Variants in PITPNC1 observed in about 807,000 individuals in gnomAD.
The protein encoded by PITPNC1 is cytoplasmic phosphatidylinositol transfer protein 1.
PITPNC1 carries 18 observed loss-of-function variants against 44.7 expected under a neutral mutation model. The ratio of observed to expected loss-of-function variants is 0.40; its 90% CI spans 0.28 to 0.60. The LOEUF is 0.60. PITPNC1 is among the 20% of genes least tolerant of loss of function. PITPNC1 has a pLI of 0.39. For missense variants in PITPNC1, 290 were observed against 418.4 expected (o/e 0.69, Z 2.68); for synonymous variants, 141 against 149.6 (o/e 0.94, Z 0.42).
chr17:67,670,113 A>AT (rs2042488532), intron 7 of PITPNC1, among the ~76,000 whole-genome samples: 1 of 152,092 alleles, frequency 6.6e-6, no homozygotes, highest in Non-Finnish European at 1.5e-5. Flanking sequence ...AAAAATAAAA[A>AT]ATACTTTTTG....
chr17:67,527,674 C>T (rs899117807), intron 1 of PITPNC1, among the ~76,000 whole-genome samples: 1 of 151,686 alleles, frequency 6.6e-6, no homozygotes, highest in African/African-American at 2.4e-5. Context: ...GCACTCCAGC[C>T]TGGGAGACAG....
At chr17:67,426,725 TAAAATA>T (rs914112213) in intron 1 of PITPNC1, among the ~76,000 whole-genome samples, 1 of 48,254 alleles carries the variant, frequency 2.1e-5, no homozygotes, top group Non-Finnish European at 4.5e-5. Context: ...TCCCAGAACT[TAAAATA>T]AAAATAAAAA....
intron 1 of PITPNC1, among the ~76,000 whole-genome samples, chr17:67,466,904 CCTT>C (rs1274081945): frequency 1.3e-5 from 2 of 152,106 alleles, no homozygotes; most frequent in African/African-American, 4.8e-5. Context: ...CAATCTAGCT[CCTT>C]AAGAGAAGAC....
chr17:67,403,498 C>T (rs188783662), intron 1 of PITPNC1, among the ~76,000 whole-genome samples: 3 of 152,146 alleles, frequency 2.0e-5, no homozygotes. Flanking sequence ...TATATGTGTC[C>T]GTGTGGACAT....
At chr17:67,496,418 C>T (rs191885923) in intron 1 of PITPNC1, among the ~76,000 whole-genome samples, 197 of 152,280 alleles carry the variant, frequency 1.3e-3, no homozygotes, top group African/African-American at 3.9e-3. Context: ...GAGGCCCATG[C>T]GTGGCTCCCT....
At chr17:67,431,993 T>C (rs1028923870) in intron 1 of PITPNC1, among the ~76,000 whole-genome samples, 1 of 152,226 alleles carries the variant, frequency 6.6e-6, no homozygotes, top group African/African-American at 2.4e-5. Context: ...GGATAACTTC[T>C]GCAGGAAAAC....
intron 6 of PITPNC1, chr17:67,632,522 C>A: frequency 1.2e-5 from 4 of 327,660 alleles, no homozygotes; most frequent in Non-Finnish European, 2.2e-5. Context: ...GACCATCCAA[C>A]ACACTGGCCT....
chr17:67,514,884 A>T (rs1344643758), intron 1 of PITPNC1, among the ~76,000 whole-genome samples: 1 of 152,170 alleles, frequency 6.6e-6, no homozygotes, highest in Non-Finnish European at 1.5e-5. Context: ...CTGCCAACAG[A>T]CACTGGAGTC....
chr17:67,574,198 T>C (rs1440822653), intron 4 of PITPNC1, among the ~76,000 whole-genome samples: 2 of 152,212 alleles, frequency 1.3e-5, no homozygotes. Flanking sequence ...CTGGGGCAAC[T>C]GGGGCTGAGA....
intron 1 of PITPNC1, among the ~76,000 whole-genome samples, chr17:67,392,482 G>C (rs952080967): frequency 2.0e-5 from 3 of 152,160 alleles, no homozygotes; most frequent in African/African-American, 7.2e-5. Context: ...GAGCTCAAGT[G>C]ATCTACCAGC....
At chr17:67,632,754 G>A (rs777092270) in intron 6 of PITPNC1, among the ~76,000 whole-genome samples, 4 of 151,928 alleles carry the variant, frequency 2.6e-5, no homozygotes, top group Non-Finnish European at 4.4e-5. Context: ...TTTTAGTAGA[G>A]ATGGGGTTTC....
chr17:67,580,856 C>T (rs1020574494), intron 5 of PITPNC1, among the ~76,000 whole-genome samples: 1 of 152,084 alleles, frequency 6.6e-6, no homozygotes, highest in African/African-American at 2.4e-5. Flanking sequence ...TGAGACCAGC[C>T]TAGGCAGCAT....
intron 5 of PITPNC1, among the ~76,000 whole-genome samples, chr17:67,587,743 C>G (rs781517144): frequency 1.3e-5 from 2 of 152,158 alleles, no homozygotes; most frequent in Non-Finnish European, 2.9e-5. Context: ...AGGAAATAAA[C>G]GATCTCATTA....
chr17:67,455,321 T>A (rs2039239736), intron 1 of PITPNC1, among the ~76,000 whole-genome samples: 1 of 152,216 alleles, frequency 6.6e-6, no homozygotes, highest in Non-Finnish European at 1.5e-5. Context: ...TTTTCACCAT[T>A]AGACTGAACT....
intron 5 of PITPNC1, among the ~76,000 whole-genome samples, chr17:67,614,041 C>T (rs577585189): frequency 6.4e-5 from 9 of 139,610 alleles, no homozygotes; most frequent in African/African-American, 2.1e-4. Flanking sequence ...GACCCATGAT[C>T]GCGCCACTGC....
intron 5 of PITPNC1, among the ~76,000 whole-genome samples, chr17:67,599,671 C>T (rs2041515730): frequency 6.6e-6 from 1 of 152,126 alleles, no homozygotes; most frequent in Non-Finnish European, 1.5e-5. Context: ...AATAAGGTCA[C>T]TGGTGACCTT....
rs540820706 is a variant in PITPNC1, at chr17:67,495,699, G to C, written c.49-37103G>C. ...GGCCTACAGCTCCATCCATGTTCTT[G>C]CAAAGGACGTGATCTCAATTCCTTT... On this transcript the variant is annotated intron_variant, in intron 1 of 8. Transcript: ENST00000581322. Among the ~76,000 whole-genome samples, 3 of 152,314 alleles carry C rather than the reference G, an allele frequency of 2.0e-5. No individual in the cohort carries two copies. In the South Asian group the frequency reaches 6.2e-4, roughly 32 times the overall value.
At chr17:67,648,710 G>A (rs2042177829) in intron 6 of PITPNC1, among the ~76,000 whole-genome samples, 1 of 152,138 alleles carries the variant, frequency 6.6e-6, no homozygotes, top group African/African-American at 2.4e-5. Context: ...CCACAGCTCT[G>A]GTTGCCCCTA....
At chr17:67,426,888 C>T (rs866882263) in intron 1 of PITPNC1, among the ~76,000 whole-genome samples, 1 of 151,978 alleles carries the variant, frequency 6.6e-6, no homozygotes, top group Admixed American at 6.6e-5. Flanking sequence ...TAAGAGTATC[C>T]ATGTTTGATG....
Sources: allele counts gnomAD v4.1 joint callset (sites outside exome capture counted in the v4.1 genomes callset), GRCh38; gene constraint gnomAD v4.1.1; transcripts MANE v1.5; gene names NCBI Gene and HGNC (gene_info 2026-07-23, HGNC 2026-07-21).